Variants in CD1B observed in about 807,000 individuals in gnomAD.
The protein encoded by CD1B is T-cell surface glycoprotein CD1b.
In CD1B, 43 loss-of-function variants were observed where a neutral mutation model predicts 39.8. That is an observed-to-expected ratio of 1.08 (90% CI 0.85 to 1.39). CD1B has a LOEUF of 1.39. Among genes scored for constraint, CD1B ranks in the 40% most tolerant of loss-of-function variants. CD1B has a pLI of 0.00. For synonymous variants in CD1B, 192 were observed against 152.5 expected, an observed-to-expected ratio of 1.26 and a Z score of -1.91; for missense variants, 495 against 403.8, an observed-to-expected ratio of 1.23 and a Z score of -1.94.
At chr1:158,316,739 T>G in the CD1B span, among the ~76,000 whole-genome samples, 3 of 151,528 alleles carry the variant, frequency 2.0e-5, no homozygotes, top group Admixed American at 2.0e-4. Context: ...TTGTGCCAGT[T>G]TTCAAAGTGA....
the CD1B span, among the ~76,000 whole-genome samples, chr1:158,306,179 A>C: frequency 6.6e-6 from 1 of 152,244 alleles, no homozygotes; most frequent in Non-Finnish European, 1.5e-5. Flanking sequence ...TGTATTCAGG[A>C]AACCCATAGC....
chr1:158,308,036 A>G, the CD1B span, among the ~76,000 whole-genome samples: 1 of 152,182 alleles, frequency 6.6e-6, no homozygotes, highest in Non-Finnish European at 1.5e-5. Context: ...GAAAAGAGGA[A>G]GTCAAATTGT....
At chr1:158,288,965 C>G in the CD1B span, among the ~76,000 whole-genome samples, 9 of 152,186 alleles carry the variant, frequency 5.9e-5, no homozygotes, top group African/African-American at 1.9e-4. Flanking sequence ...TGTGGTCTCC[C>G]CATGTATGAG....
At chr1:158,324,512 G>A (rs568864803), downstream of CD1B, among the ~76,000 whole-genome samples, 80 of 152,264 alleles carry the variant, frequency 5.3e-4, no homozygotes, top group African/African-American at 1.8e-3. Context: ...TAATTACATT[G>A]ATTCATCGGA....
chr1:158,291,544 A>T, the CD1B span: 1 of 830,890 alleles, frequency 1.2e-6, no homozygotes. Context: ...GATATTCCTG[A>T]TGTTGACTCC....
the CD1B span, among the ~76,000 whole-genome samples, chr1:158,308,849 T>C: frequency 6.6e-6 from 1 of 152,222 alleles, no homozygotes; most frequent in African/African-American, 2.4e-5. Context: ...ATTAAAGACT[T>C]ACATGTTAGA....
the CD1B span, among the ~76,000 whole-genome samples, chr1:158,320,131 C>T: frequency 1.3e-5 from 2 of 152,212 alleles, no homozygotes; most frequent in African/African-American, 4.8e-5. Context: ...GCCCTGCCCC[C>T]AGAGGTGGAG....
the CD1B span, among the ~76,000 whole-genome samples, chr1:158,317,830 T>C: frequency 1.3e-5 from 2 of 152,242 alleles, no homozygotes; most frequent in African/African-American, 4.8e-5. Context: ...ACACACTGCT[T>C]TGAATGCGTC....
the CD1B span, among the ~76,000 whole-genome samples, chr1:158,293,999 C>T: frequency 2.0e-5 from 3 of 152,160 alleles, no homozygotes; most frequent in African/African-American, 7.2e-5. Flanking sequence ...TGTTTAAATG[C>T]TTCATACCTA....
chr1:158,318,050 C>T, the CD1B span, among the ~76,000 whole-genome samples: 1 of 151,942 alleles, frequency 6.6e-6, no homozygotes, highest in Non-Finnish European at 1.5e-5. Flanking sequence ...ATTTCTGTTC[C>T]TTTACATTTG....
chr1:158,316,411 T>G, the CD1B span, among the ~76,000 whole-genome samples: 2 of 151,794 alleles, frequency 1.3e-5, no homozygotes, highest in Non-Finnish European at 2.9e-5. Flanking sequence ...TTTATTCTCT[T>G]TAAAGCAATT....
the CD1B span, among the ~76,000 whole-genome samples, chr1:158,303,561 A>G: frequency 6.6e-6 from 1 of 152,218 alleles, no homozygotes; most frequent in Non-Finnish European, 1.5e-5. Flanking sequence ...TCTGATAAAC[A>G]ATTTTAGTTA....
chr1:158,325,264 A>G (rs114670120), downstream of CD1B, among the ~76,000 whole-genome samples: 282 of 152,276 alleles, frequency 1.9e-3, no homozygotes, highest in Non-Finnish European at 2.9e-3. Flanking sequence ...ATAGTTCCCA[A>G]TAAATCCTAA....
At chr1:158,322,822 C>T in the CD1B span, among the ~76,000 whole-genome samples, 1 of 152,084 alleles carries the variant, frequency 6.6e-6, no homozygotes, top group African/African-American at 2.4e-5. Flanking sequence ...ATATATTGCC[C>T]TACACTTTTT....
chr1:158,323,705 A>G (rs1334497199), downstream of CD1B, among the ~76,000 whole-genome samples: 1 of 152,210 alleles, frequency 6.6e-6, no homozygotes, highest in East Asian at 1.9e-4. Flanking sequence ...TCAGCACTAG[A>G]GGAAACTCTA....
In CD1B at chr1:158,329,882, T is replaced by G; in HGVS notation, c.577A>C (p.Asn193His). Residue 193 changes from asparagine (N) to histidine (H), a missense_variant, in exon 3 of 6, where the codon AAT becomes CAT. Transcript: ENST00000368168. ...TCPRYLLGVLNAGKADLQRQV... is the reference protein window; with the variant it reads ...TCPRYLLGVLHAGKADLQRQV... Reference sequence around the variant, plus strand: ...CTTTGCAGATCTGCTTTTCCTGCATTGAGGACGCCCAAGAGATATCGGGGG... The same window carrying G: ...CTTTGCAGATCTGCTTTTCCTGCATGGAGGACGCCCAAGAGATATCGGGGG... 1 of 1,614,050 alleles carries G rather than the reference T, an allele frequency of 6.2e-7. No homozygotes were observed. Among genetic ancestry groups the G allele is most frequent in the Non-Finnish European group, 8.5e-7 (1 of 1,179,972 alleles).
At chr1:158,317,693 G>T in the CD1B span, among the ~76,000 whole-genome samples, 36 of 151,972 alleles carry the variant, frequency 2.4e-4, no homozygotes, top group Non-Finnish European at 4.0e-4. Flanking sequence ...GTTATCTCTT[G>T]CCTTCTGCTA....
At chr1:158,330,329 G>C (rs776122986) in intron 2 of CD1B, among the ~76,000 whole-genome samples, 199 bp from the exon 3 acceptor site, 2 of 152,148 alleles carry the variant, frequency 1.3e-5, no homozygotes, top group Non-Finnish European at 2.9e-5. Context: ...GAAGACAAAG[G>C]TATGTGATAA....
At chr1:158,307,512 G>T in the CD1B span, among the ~76,000 whole-genome samples, 1 of 152,116 alleles carries the variant, frequency 6.6e-6, no homozygotes, top group Non-Finnish European at 1.5e-5. Context: ...AGTACAAGGA[G>T]GAGCTGGTAC....
Sources: gnomAD v4.1 joint callset for allele counts (sites outside exome capture counted in the v4.1 genomes callset) on GRCh38, gnomAD v4.1.1 for gene constraint, MANE v1.5 for transcripts, NCBI Gene and HGNC (gene_info 2026-07-23, HGNC 2026-07-21) for gene names.